The following RAP2B variants were observed in gnomAD, a reference collection of about 807,000 sequenced individuals.
The protein encoded by RAP2B is ras-related protein Rap-2b.
A neutral mutation model predicts 14.4 loss-of-function variants in RAP2B; 6 were observed. The ratio of observed to expected loss-of-function variants is 0.42; its 90% CI spans 0.23 to 0.82. The LOEUF (loss-of-function observed/expected upper bound fraction) is 0.82. Among genes scored for constraint, RAP2B ranks in the 40% least tolerant of loss-of-function variants. RAP2B has a pLI of 0.30. For synonymous variants in RAP2B, 118 were observed against 113.2 expected (o/e 1.04, Z -0.27); for missense variants, 137 against 248.2 (o/e 0.55, Z 3.01).
chr3:153,167,934 ATTTTAAG>A lies in RAP2B; in HGVS notation c.*4694_*4700del, dbSNP rs1182565384. The A allele has an allele frequency of 1.3e-4, 22 of 167,050 alleles. 1 individual carries two copies. In the Admixed American group the frequency reaches 1.4e-3, roughly 11 times the overall value. 10.3% of individuals were successfully genotyped at this position (167,050 alleles called of 1,614,324 possible). On this transcript the variant is annotated 3_prime_UTR_variant, in exon 1 of 1. Transcript: ENST00000323534. ...TTCTCTTCAACATTAAAAAACAAAG[ATTTTAAG>A]TTTTCATGGCAAGGGTTCTAAAAAT...
rs1434490927 is a variant in RAP2B at position 153,163,740 on chromosome 3, G to A, written c.*495G>A. 6.2e-6 allele frequency: 1 copy of A among 161,866 alleles called. No homozygotes were observed. Among genetic ancestry groups the A allele is most frequent in the Non-Finnish European group, 1.5e-5 (1 of 67,920 alleles). The allele number at this position is 161,866 out of a possible 1,614,324, so 10.0% of individuals were successfully genotyped here. A position where few individuals can be genotyped will look rare whatever the true frequency, so the allele number is the denominator to read the frequency against. ...TTTAAATACATGGAAGGAAGTCCGG[G>A]AGAACCATATGAAGGAGCAGGAGGA... On this transcript the variant is annotated 3_prime_UTR_variant, in exon 1 of 1. Transcript: ENST00000323534.
At position 153,169,141 on chromosome 3, in the gene RAP2B, G is replaced by GA. The variant is rs1173943606; in HGVS notation, c.*5902dup. ...GACTAAACTATTTACATTAAAGAAGGAAAAAACAATGAGATGATAATTTTT... is the reference window on the plus strand; with the variant it reads ...GACTAAACTATTTACATTAAAGAAGGAAAAAAACAATGAGATGATAATTTTT... On this transcript the variant is annotated 3_prime_UTR_variant, in exon 1 of 1. Coordinates refer to ENST00000323534, the MANE Select transcript of RAP2B (RefSeq NM_002886.4). 6.6e-6 allele frequency: 1 copy of GA among 151,972 alleles called. No homozygotes were observed. The highest frequency in any genetic ancestry group is 2.4e-5 in the African/African-American group (1 of 41,406). 9.4% of individuals were successfully genotyped at this position (151,972 alleles called of 1,614,324 possible).
rs1276693510 is a variant in RAP2B at position 153,167,948 on chromosome 3, T to C, written c.*4703T>C. On this transcript the variant is annotated 3_prime_UTR_variant, in exon 1 of 1. Coordinates refer to ENST00000323534, the MANE Select transcript of RAP2B (RefSeq NM_002886.4). ...AAAAAACAAAGATTTTAAGTTTTCA[T>C]GGCAAGGGTTCTAAAAATCATTGTG... The C allele has an allele frequency of 6.0e-6, 1 of 167,092 alleles. No individual in the cohort carries two copies. Among genetic ancestry groups the C allele is most frequent in the Non-Finnish European group, 1.5e-5 (1 of 68,124 alleles). The allele number at this position is 167,092 out of a possible 1,614,324, so 10.4% of individuals were successfully genotyped here.
In RAP2B at chr3:153,163,007, G is replaced by A; in HGVS notation, c.314G>A (p.Arg105Gln). 6.2e-7 allele frequency: 1 copy of A among 1,614,164 alleles called. No individual in the cohort carries two copies. Among genetic ancestry groups the A allele is most frequent in the Non-Finnish European group, 8.5e-7 (1 of 1,180,040 alleles). The part of the protein sequence containing the change: ...PMRDQIIRVK[R>Q]YERVPMILVG... ...CGGGACCAGATCATCCGCGTGAAGC[G>A]GTACGAGCGCGTGCCCATGATCCTG... Residue 105 changes from arginine to glutamine, a missense_variant, in exon 1 of 1, where the codon CGG becomes CAG. By Grantham distance (43) the Arg-to-Gln change is conservative. Coordinates refer to ENST00000323534, the MANE Select transcript of RAP2B (RefSeq NM_002886.4).
Position 153,162,464 on chromosome 3 carries a change from C to T in RAP2B, c.-230C>T. 2 of 361,172 alleles carry T rather than the reference C, an allele frequency of 5.5e-6. No individual in the cohort carries two copies. The highest frequency in any genetic ancestry group is 9.7e-6 in the Non-Finnish European group (2 of 206,502). 22.4% of individuals were successfully genotyped at this position (361,172 alleles called of 1,614,324 possible). A position where few individuals can be genotyped will look rare whatever the true frequency, so the allele number is the denominator to read the frequency against. On this transcript the variant is annotated 5_prime_UTR_variant, in exon 1 of 1. Transcript: ENST00000323534. The surrounding 1 kb of genome is among the most constrained non-coding windows in gnomAD (Gnocchi z 4.9). ...GGGCTGCTGCTGCCGCCGCGGACTG[C>T]TGCGGGGCCCGGACCCGCACCCCAG...
rs1228551345 is a variant in RAP2B, at chr3:153,163,351, G to A, written c.*106G>A. 7.0e-7 allele frequency: 1 copy of A among 1,424,488 alleles called. No individual in the cohort carries two copies. Among genetic ancestry groups the A allele is most frequent in the Non-Finnish European group, 9.3e-7 (1 of 1,076,706 alleles). 88.2% of individuals were successfully genotyped at this position (1,424,488 alleles called of 1,614,324 possible). On this transcript the variant is annotated 3_prime_UTR_variant, in exon 1 of 1. Transcript: ENST00000323534. The stretch of plus-strand genomic sequence containing the variant: ...TTGAGATTGGAGACCACTTTGCATT[G>A]GCCAGGGTGTCTTGGGAGCCCGGCT...
chr3:153,162,535 T>G lies in RAP2B; in HGVS notation c.-159T>G. The G allele has an allele frequency of 1.3e-5, 11 of 834,674 alleles. No individual in the cohort carries two copies. The highest frequency in any genetic ancestry group is 1.8e-5 in the African/African-American group (1 of 56,174). The allele number at this position is 834,674 out of a possible 1,614,324, so 51.7% of individuals were successfully genotyped here. On this transcript the variant is annotated 5_prime_UTR_variant, in exon 1 of 1. Coordinates refer to ENST00000323534, the MANE Select transcript of RAP2B (RefSeq NM_002886.4). This position sits in a 1 kb window ranked among gnomAD's most constrained non-coding sequence, Gnocchi z 4.9. The stretch of plus-strand genomic sequence containing the variant: ...CGGCCGGCCCGGCGCCCGGCCTCCG[T>G]TCGGTGGTTTCCGCCCTGCGTTCTC...
At position 153,162,389 on chromosome 3, in the gene RAP2B, A is replaced by C. The variant is rs545587060; in HGVS notation, c.-305A>C. On this transcript the variant is annotated 5_prime_UTR_variant, in exon 1 of 1. Coordinates refer to ENST00000323534, the MANE Select transcript of RAP2B (RefSeq NM_002886.4). This position sits in a 1 kb window ranked among gnomAD's most constrained non-coding sequence, Gnocchi z 4.9. Reference sequence around the variant, plus strand: ...CCGGGCTGCCGCAGCTAGGAGCTCCAGCCGTCGCCTCGCGCAGGCTGCGGG... The same window carrying C: ...CCGGGCTGCCGCAGCTAGGAGCTCCCGCCGTCGCCTCGCGCAGGCTGCGGG... 1 of 207,162 alleles carries C rather than the reference A, an allele frequency of 4.8e-6. No homozygotes were observed. 12.8% of individuals were successfully genotyped at this position (207,162 alleles called of 1,614,324 possible).
At position 153,166,020 on chromosome 3, in the gene RAP2B, A is replaced by G. The variant is rs1192654440; in HGVS notation, c.*2775A>G. The G allele has an allele frequency of 1.2e-5, 2 of 167,008 alleles. No homozygotes were observed. Among genetic ancestry groups the G allele is most frequent in the African/African-American group, 2.4e-5 (1 of 41,438 alleles). The allele number at this position is 167,008 out of a possible 1,614,324, so 10.3% of individuals were successfully genotyped here. A position where few individuals can be genotyped will look rare whatever the true frequency, so the allele number is the denominator to read the frequency against. ...TAAGAAATGTATATACTGACAGAAGATATTTGAAAGTGGAAAATTGGAAAT... is the reference window on the plus strand; with the variant it reads ...TAAGAAATGTATATACTGACAGAAGGTATTTGAAAGTGGAAAATTGGAAAT... On this transcript the variant is annotated 3_prime_UTR_variant, in exon 1 of 1. Transcript: ENST00000323534.
chr3:153,169,607 G>A lies in RAP2B; in HGVS notation c.*6362G>A, dbSNP rs1380107108. 14 of 152,112 alleles carry A rather than the reference G, an allele frequency of 9.2e-5. No individual in the cohort carries two copies. The highest frequency in any genetic ancestry group is 2.1e-4 in the South Asian group (1 of 4,832). 9.4% of individuals were successfully genotyped at this position (152,112 alleles called of 1,614,324 possible). ...ATTACAGGCGTGCACCACCACGCCC[G>A]CCTAATTTTTGTATTTTTAGTAGAG... On this transcript the variant is annotated 3_prime_UTR_variant, in exon 1 of 1. Coordinates refer to ENST00000323534, the MANE Select transcript of RAP2B (RefSeq NM_002886.4).
Position 153,163,769 on chromosome 3 carries a change from G to A in RAP2B, c.*524G>A. On this transcript the variant is annotated 3_prime_UTR_variant, in exon 1 of 1. Coordinates refer to ENST00000323534, the MANE Select transcript of RAP2B (RefSeq NM_002886.4). ...ACCATATGAAGGAGCAGGAGGAGAG[G>A]AAGAAACTTTTTTTCCTTCTTTTCC... 1 of 164,794 alleles carries A rather than the reference G, an allele frequency of 6.1e-6. No homozygotes were observed. The allele number at this position is 164,794 out of a possible 1,614,324, so 10.2% of individuals were successfully genotyped here.
At position 153,162,407 on chromosome 3, in the gene RAP2B, G is replaced by C. The variant is rs1299282504; in HGVS notation, c.-287G>C. 21 of 237,902 alleles carry C rather than the reference G, an allele frequency of 8.8e-5. No individual in the cohort carries two copies. In the East Asian group the frequency reaches 1.7e-3, roughly 19 times the overall value. 14.7% of individuals were successfully genotyped at this position (237,902 alleles called of 1,614,324 possible). On this transcript the variant is annotated 5_prime_UTR_variant, in exon 1 of 1. Transcript: ENST00000323534. This position sits in a 1 kb window ranked among gnomAD's most constrained non-coding sequence, Gnocchi z 4.9. ...GAGCTCCAGCCGTCGCCTCGCGCAG[G>C]CTGCGGGCATTGTCCTCTCGGTTCG...
In RAP2B at chr3:153,164,242, CTTTG is replaced by C. The variant is rs1255301010; in HGVS notation, c.*999_*1002del. 1 of 166,888 alleles carries C rather than the reference CTTTG, an allele frequency of 6.0e-6. No homozygotes were observed. 10.3% of individuals were successfully genotyped at this position (166,888 alleles called of 1,614,324 possible). ...AGCTTTTAAAAATACAGTACAAAGA[CTTTG>C]TAAATGTGATTCAGGGCCCCCAGCA... On this transcript the variant is annotated 3_prime_UTR_variant, in exon 1 of 1. Transcript: ENST00000323534.
At position 153,163,269 on chromosome 3, in the gene RAP2B, G is replaced by C. The variant is rs925099411; in HGVS notation, c.*24G>C. 1 of 1,505,872 alleles carries C rather than the reference G, an allele frequency of 6.6e-7. No homozygotes were observed. The highest frequency in any genetic ancestry group is 1.4e-5 in the African/African-American group (1 of 71,232). The allele number at this position is 1,505,872 out of a possible 1,614,324, so 93.3% of individuals were successfully genotyped here. A position where few individuals can be genotyped will look rare whatever the true frequency, so the allele number is the denominator to read the frequency against. ...GAGGCGGCCACCGCGCGCCGGCCGC[G>C]CTCTGCGCACAAAAGCCAAACGCAT... On this transcript the variant is annotated 3_prime_UTR_variant, in exon 1 of 1. Coordinates refer to ENST00000323534, the MANE Select transcript of RAP2B (RefSeq NM_002886.4).
rs551326083 is a variant in RAP2B, at chr3:153,165,814, A to T, written c.*2569A>T. 1.2e-3 allele frequency: 198 copies of T among 167,164 alleles called. No individual in the cohort carries two copies. The highest frequency in any genetic ancestry group is 2.5e-3 in the Non-Finnish European group (172 of 68,090). 10.4% of individuals were successfully genotyped at this position (167,164 alleles called of 1,614,324 possible). The stretch of plus-strand genomic sequence containing the variant: ...TGTATAATTTTATGCCTTTGCAAAG[A>T]TTCGTTCTTGTATTTGAATAAATTC... On this transcript the variant is annotated 3_prime_UTR_variant, in exon 1 of 1. Coordinates refer to ENST00000323534, the MANE Select transcript of RAP2B (RefSeq NM_002886.4).
rs1476251131 is a variant in RAP2B, at chr3:153,163,283, A to G, written c.*38A>G. On this transcript the variant is annotated 3_prime_UTR_variant, in exon 1 of 1. Coordinates refer to ENST00000323534, the MANE Select transcript of RAP2B (RefSeq NM_002886.4). ...GCGCCGGCCGCGCTCTGCGCACAAA[A>G]GCCAAACGCATCCGACTCTCTAAAT... The G allele has an allele frequency of 6.7e-7, 1 of 1,492,690 alleles. No homozygotes were observed. The highest frequency in any genetic ancestry group is 1.4e-5 in the South Asian group (1 of 73,116). 92.5% of individuals were successfully genotyped at this position (1,492,690 alleles called of 1,614,324 possible). A position where few individuals can be genotyped will look rare whatever the true frequency, so the allele number is the denominator to read the frequency against.
Position 153,168,603 on chromosome 3 carries a change from C to T in RAP2B, c.*5358C>T, listed in dbSNP as rs1341620262. ...ATGGAGTGTTACATCTGAAACTATT[C>T]TATTAGAAGGTGAAAAGTGTTGATT... On this transcript the variant is annotated 3_prime_UTR_variant, in exon 1 of 1. Coordinates refer to ENST00000323534, the MANE Select transcript of RAP2B (RefSeq NM_002886.4). The T allele has an allele frequency of 6.6e-6, 1 of 152,584 alleles. No homozygotes were observed. Among genetic ancestry groups the T allele is most frequent in the African/African-American group, 2.4e-5 (1 of 41,406 alleles). The allele number at this position is 152,584 out of a possible 1,614,324, so 9.5% of individuals were successfully genotyped here. A position where few individuals can be genotyped will look rare whatever the true frequency, so the allele number is the denominator to read the frequency against.
In RAP2B at chr3:153,163,536, G is replaced by T. The variant is rs115715180; in HGVS notation, c.*291G>T. On this transcript the variant is annotated 3_prime_UTR_variant, in exon 1 of 1. Coordinates refer to ENST00000323534, the MANE Select transcript of RAP2B (RefSeq NM_002886.4). Reference sequence around the variant, plus strand: ...TCCCCGTTTAAGTAGCCGTTAGGGCGCAGTATCGGCAGCTTGACACCCACC... The same window carrying T: ...TCCCCGTTTAAGTAGCCGTTAGGGCTCAGTATCGGCAGCTTGACACCCACC... The T allele has an allele frequency of 2.1e-3, 739 of 346,316 alleles. 4 individuals carry two copies. Among genetic ancestry groups the T allele is most frequent in the African/African-American group, 0.015 (687 of 46,520 alleles). The allele number at this position is 346,316 out of a possible 1,614,324, so 21.5% of individuals were successfully genotyped here. A position where few individuals can be genotyped will look rare whatever the true frequency, so the allele number is the denominator to read the frequency against.
Position 153,168,886 on chromosome 3 carries a change from A to G in RAP2B, c.*5641A>G, listed in dbSNP as rs1713650182. 1 of 152,196 alleles carries G rather than the reference A, an allele frequency of 6.6e-6. No individual in the cohort carries two copies. Among genetic ancestry groups the G allele is most frequent in the Admixed American group, 6.5e-5 (1 of 15,278 alleles). The allele number at this position is 152,196 out of a possible 1,614,324, so 9.4% of individuals were successfully genotyped here. A position where few individuals can be genotyped will look rare whatever the true frequency, so the allele number is the denominator to read the frequency against. ...AAAGGCTATTGCTGGTGATAGTACA[A>G]TGAAACACTGACTTCAGTATATTTT... On this transcript the variant is annotated 3_prime_UTR_variant, in exon 1 of 1. Transcript: ENST00000323534.
Sources: allele counts gnomAD v4.1 joint callset, GRCh38; gene constraint gnomAD v4.1.1; non-coding constraint Gnocchi (gnomAD v3.1); transcripts MANE v1.5; gene names NCBI Gene and HGNC (gene_info 2026-07-23, HGNC 2026-07-21).